The following RASGRP3 variants were observed in gnomAD, a reference collection of about 807,000 sequenced individuals.
The protein encoded by RASGRP3 is ras guanyl-releasing protein 3.
A neutral mutation model predicts 82.7 loss-of-function variants in RASGRP3; 54 were observed. The ratio of observed to expected loss-of-function variants is 0.65; its 90% CI spans 0.52 to 0.82. The LOEUF is 0.82. Among genes scored for constraint, RASGRP3 ranks in the 40% least tolerant of loss-of-function variants. The pLI, the probability that RASGRP3 is intolerant of heterozygous loss-of-function variation, is 0.00. For missense variants in RASGRP3, 861 were observed against 828.9 expected, an observed-to-expected ratio of 1.04 and a Z score of -0.48; for synonymous variants, 309 against 300.5, an observed-to-expected ratio of 1.03 and a Z score of -0.29.
chr2:33,487,628 A>G (rs1433610735), intron 1 of RASGRP3, among the ~76,000 whole-genome samples: 12 of 152,234 alleles, frequency 7.9e-5, no homozygotes, highest in Non-Finnish European at 1.2e-4. Context: ...ATTACCCTCA[A>G]ACAAAAGTTT....
chr2:33,473,853 A>G (rs370509885), upstream of RASGRP3, among the ~76,000 whole-genome samples: 1 of 152,188 alleles, frequency 6.6e-6, no homozygotes, highest in African/African-American at 2.4e-5. Context: ...GACCAGTTTC[A>G]TGGAAGACAA....
chr2:33,468,398 G>T (rs1056289398), intron 2 of RASGRP3, among the ~76,000 whole-genome samples: 4 of 151,800 alleles, frequency 2.6e-5, no homozygotes, highest in Admixed American at 2.0e-4. Flanking sequence ...TTACTAATAT[G>T]CTTCAACATT....
intron 1 of RASGRP3, among the ~76,000 whole-genome samples, chr2:33,478,481 T>C (rs1267068315): frequency 1.3e-5 from 2 of 152,118 alleles, no homozygotes; most frequent in Admixed American, 6.6e-5. Context: ...TCTGGTGAAA[T>C]TGTGTCTCCG....
chr2:33,524,107 T>G, intron 8 of RASGRP3, 55 bp downstream of exon 8: 2 of 1,565,414 alleles, frequency 1.3e-6, no homozygotes, highest in Non-Finnish European at 1.8e-6. Context: ...TTCACTCTGT[T>G]GAGAAAAGTC....
intron 1 of RASGRP3, among the ~76,000 whole-genome samples, chr2:33,500,118 A>G (rs997816512): frequency 1.3e-5 from 2 of 152,110 alleles, no homozygotes; most frequent in South Asian, 2.1e-4. Flanking sequence ...TAAAGAAACA[A>G]TGTGTGCAAA....
chr2:33,534,527 CTTTT>C (rs1178542487), intron 11 of RASGRP3, 127 bp downstream of exon 11: 9 of 729,206 alleles, frequency 1.2e-5, no homozygotes, highest in Non-Finnish European at 2.0e-5. Context: ...ATTATTCTTT[CTTTT>C]TCTTTTTTCT....
At chr2:33,457,888 C>G (rs1666129229) in intron 2 of RASGRP3, among the ~76,000 whole-genome samples, 1 of 152,120 alleles carries the variant, frequency 6.6e-6, no homozygotes, top group Non-Finnish European at 1.5e-5. Flanking sequence ...AGGAGGATTA[C>G]TGAGAATTTT....
At chr2:33,532,456 C>T (rs1558495347) in intron 10 of RASGRP3, 1 of 152,192 alleles carries the variant, frequency 6.6e-6, no homozygotes, top group Non-Finnish European at 1.5e-5. Flanking sequence ...AAATAAATTA[C>T]ATCTGCAAAG....
At chr2:33,529,771 G>A (rs1047809473) in intron 10 of RASGRP3, among the ~76,000 whole-genome samples, 11 of 152,042 alleles carry the variant, frequency 7.2e-5, no homozygotes, top group African/African-American at 2.4e-4. Flanking sequence ...TTAAACAAGG[G>A]TTTTATGCTC....
intron 13 of RASGRP3, among the ~76,000 whole-genome samples, chr2:33,543,836 G>A (rs1674492450): frequency 6.6e-6 from 1 of 152,072 alleles, no homozygotes; most frequent in Admixed American, 6.6e-5. Flanking sequence ...TGTCAGTGTT[G>A]AACACAAGTG....
At chr2:33,472,699 G>A (rs993253110), upstream of RASGRP3, among the ~76,000 whole-genome samples, 3 of 152,094 alleles carry the variant, frequency 2.0e-5, no homozygotes, top group African/African-American at 7.2e-5. Flanking sequence ...GCTCACGCCT[G>A]TAATCCCAGC....
In RASGRP3 at chr2:33,528,130, C is replaced by T. The variant is rs187889377; in HGVS notation, c.1083+718C>T. Among the ~76,000 whole-genome samples, 230 of 152,302 alleles carry T rather than the reference C, an allele frequency of 1.5e-3. 1 individual carries two copies. The highest frequency in any genetic ancestry group is 5.4e-3 in the African/African-American group (223 of 41,562). On this transcript the variant is annotated intron_variant, in intron 10 of 17. Transcript: ENST00000403687. ...CCCTCCATAGCAGTCATGCATCTGT[C>T]ACATCACCCTGGCACTTTATATTTT...
At chr2:33,438,560 G>GT (rs1665049388) in intron 1 of RASGRP3, among the ~76,000 whole-genome samples, 1 of 50,202 alleles carries the variant, frequency 2.0e-5, no homozygotes, top group Non-Finnish European at 3.7e-5. Context: ...AGACTCCATC[G>GT]CCAAAAAAAA....
At chr2:33,517,569 C>T (rs966021631) in intron 4 of RASGRP3, among the ~76,000 whole-genome samples, 2 of 152,226 alleles carry the variant, frequency 1.3e-5, no homozygotes, top group Non-Finnish European at 2.9e-5. Context: ...TCTACTTCTT[C>T]TCTTCATCCT....
At chr2:33,483,635 C>T (rs1050896070) in intron 1 of RASGRP3, among the ~76,000 whole-genome samples, 1 of 151,926 alleles carries the variant, frequency 6.6e-6, no homozygotes, top group Non-Finnish European at 1.5e-5. Flanking sequence ...ACTATAGGCA[C>T]CTGCCACCAT....
Position 33,563,011 on chromosome 2 carries a change from T to G in RASGRP3, c.*274T>G. ...GTCAGTACTTTTTTCTCATGTATCT[T>G]TCTCTAGACCATTTATATACGGGTG... On this transcript the variant is annotated 3_prime_UTR_variant, in exon 18 of 18. Transcript: ENST00000403687. 1 of 473,190 alleles carries G rather than the reference T, an allele frequency of 2.1e-6. No homozygotes were observed. The highest frequency in any genetic ancestry group is 3.8e-5 in the South Asian group (1 of 26,558). The allele number at this position is 473,190 out of a possible 1,614,324, so 29.3% of individuals were successfully genotyped here. A position where few individuals can be genotyped will look rare whatever the true frequency, so the allele number is the denominator to read the frequency against.
At chr2:33,551,787 A>T (rs1675385687) in intron 14 of RASGRP3, among the ~76,000 whole-genome samples, 1 of 152,106 alleles carries the variant, frequency 6.6e-6, no homozygotes, top group African/African-American at 2.4e-5. Flanking sequence ...AGCTCAGGAG[A>T]TCGAGACCAT....
intron 1 of RASGRP3, chr2:33,481,519 C>A (rs75249745): frequency 6.6e-6 from 1 of 152,122 alleles, no homozygotes; most frequent in African/African-American, 2.4e-5. Context: ...CATGCACTTA[C>A]ACAATCTGTG....
intron 1 of RASGRP3, among the ~76,000 whole-genome samples, chr2:33,501,536 G>A (rs530529028): frequency 1.1e-3 from 163 of 152,288 alleles, no homozygotes; most frequent in African/African-American, 3.8e-3. Flanking sequence ...GGTGAGATAC[G>A]AAAACTCACC....
Sources: gnomAD v4.1 joint callset for allele counts (sites outside exome capture counted in the v4.1 genomes callset) on GRCh38, gnomAD v4.1.1 for gene constraint, MANE v1.5 for transcripts, NCBI Gene and HGNC (gene_info 2026-07-23, HGNC 2026-07-21) for gene names.